ANKS1B: variants seen among roughly 807,000 people sequenced by gnomAD.
The protein encoded by ANKS1B is ankyrin repeat and sterile alpha motif domain containing 1B.
ANKS1B carries 36 observed loss-of-function variants against 148.3 expected under a neutral mutation model. The ratio of observed to expected loss-of-function variants is 0.24; its 90% CI spans 0.19 to 0.32. The LOEUF (loss-of-function observed/expected upper bound fraction) is 0.32, where lower values mean the gene tolerates loss of function less well. Among genes scored for constraint, ANKS1B ranks in the 10% least tolerant of loss-of-function variants. The pLI is 1.00. For missense variants in ANKS1B, 1,157 were observed against 1,542.6 expected (o/e 0.75, Z 4.19); for synonymous variants, 542 against 560.8 (o/e 0.97, Z 0.47).
intron 19 of ANKS1B, among the ~76,000 whole-genome samples, chr12:98,816,644 C>T (rs530242433): frequency 3.3e-5 from 5 of 152,270 alleles, no homozygotes; most frequent in African/African-American, 1.2e-4. Flanking sequence ...AACCTATCTC[C>T]CTGTCACCCT....
chr12:99,576,013 T>C (rs2097515496), intron 9 of ANKS1B, among the ~76,000 whole-genome samples: 1 of 152,004 alleles, frequency 6.6e-6, no homozygotes, highest in Non-Finnish European at 1.5e-5. Flanking sequence ...CCATCTCACA[T>C]GCAATGACAC....
intron 1 of ANKS1B, among the ~76,000 whole-genome samples, chr12:99,844,671 A>G (rs1277935517): frequency 6.6e-6 from 1 of 152,176 alleles, no homozygotes; most frequent in Non-Finnish European, 1.5e-5. Context: ...AGGTAGCATG[A>G]TGCCTCCAGC....
chr12:98,851,925 G>A (rs937675554), intron 17 of ANKS1B, among the ~76,000 whole-genome samples: 6 of 146,748 alleles, frequency 4.1e-5, no homozygotes, highest in African/African-American at 1.5e-4. Context: ...CCAGGAGGCT[G>A]AAGCAGCAGA....
At chr12:99,156,328 C>T (rs781480042) in intron 14 of ANKS1B, among the ~76,000 whole-genome samples, 4 of 152,154 alleles carry the variant, frequency 2.6e-5, no homozygotes, top group African/African-American at 9.7e-5. Flanking sequence ...AGTGAAACAA[C>T]GACTTCTATA....
intron 14 of ANKS1B, among the ~76,000 whole-genome samples, chr12:99,206,181 T>C (rs190000927): frequency 1.8e-3 from 278 of 152,320 alleles, no homozygotes; most frequent in Non-Finnish European, 3.6e-3. Context: ...ACTTCCCTCT[T>C]AGGCTTTGAT....
chr12:98,830,448 TCCTCCTGGAG>T (rs1198264101), intron 18 of ANKS1B, among the ~76,000 whole-genome samples: 4 of 152,158 alleles, frequency 2.6e-5, no homozygotes, highest in Admixed American at 6.5e-5. Context: ...GCTAAGCTTG[TCCTCCTGGAG>T]CCAATTCTCT....
At chr12:99,570,907 C>T (rs1233026456) in intron 9 of ANKS1B, among the ~76,000 whole-genome samples, 2 of 152,032 alleles carry the variant, frequency 1.3e-5, no homozygotes, top group Admixed American at 6.5e-5. Context: ...ATAGAAAATT[C>T]ATATTCTCCA....
intron 9 of ANKS1B, among the ~76,000 whole-genome samples, chr12:99,588,947 T>TA (rs2097671663): frequency 6.6e-6 from 1 of 152,226 alleles, no homozygotes; most frequent in African/African-American, 2.4e-5. Flanking sequence ...TTAAATAACC[T>TA]ATCAGATAAA....
chr12:99,703,316 T>C (rs1009904508), intron 8 of ANKS1B, among the ~76,000 whole-genome samples: 3 of 152,144 alleles, frequency 2.0e-5, no homozygotes, highest in African/African-American at 7.2e-5. Flanking sequence ...CTGATACTAC[T>C]GTTGATTATT....
At chr12:99,462,886 C>T (rs538645714) in intron 10 of ANKS1B, among the ~76,000 whole-genome samples, 2 of 152,296 alleles carry the variant, frequency 1.3e-5, no homozygotes, top group Admixed American at 6.5e-5. Context: ...ACTCTCTCAT[C>T]ATGTGATATG....
chr12:99,648,200 A>G (rs751188669), intron 9 of ANKS1B: 15 of 1,614,128 alleles, frequency 9.3e-6, no homozygotes, highest in African/African-American at 1.3e-5. Flanking sequence ...ATGCTACCGT[A>G]TTACACGGCC....
At chr12:99,706,037 C>T (rs543012448) in intron 8 of ANKS1B, among the ~76,000 whole-genome samples, 1 of 152,010 alleles carries the variant, frequency 6.6e-6, no homozygotes, top group South Asian at 2.1e-4. Flanking sequence ...TGTCTGTCGA[C>T]AAACATAACA....
chr12:99,723,521 T>A (rs911179256), intron 8 of ANKS1B, among the ~76,000 whole-genome samples: 1 of 152,060 alleles, frequency 6.6e-6, no homozygotes, highest in African/African-American at 2.4e-5. Flanking sequence ...GGGGTAGGGG[T>A]GACCACAGTC....
intron 8 of ANKS1B, among the ~76,000 whole-genome samples, chr12:99,735,734 G>A (rs1170255482): frequency 6.7e-6 from 1 of 149,956 alleles, no homozygotes; most frequent in Non-Finnish European, 1.5e-5. Flanking sequence ...AAAATAAAGA[G>A]GAGGGAGTTC....
intron 17 of ANKS1B, among the ~76,000 whole-genome samples, chr12:99,036,068 C>G (rs183815129): frequency 2.6e-5 from 4 of 152,288 alleles, no homozygotes; most frequent in African/African-American, 9.6e-5. Flanking sequence ...GCCTGCACCT[C>G]TCTGCATTCC....
chr12:99,687,207 T>C (rs2153494789), intron 8 of ANKS1B, among the ~76,000 whole-genome samples: 1 of 152,330 alleles, frequency 6.6e-6, no homozygotes, highest in East Asian at 1.9e-4. Context: ...TTTATTCTTT[T>C]ATACATAGTA....
intron 11 of ANKS1B, among the ~76,000 whole-genome samples, chr12:99,433,680 C>A (rs2095414951): frequency 6.6e-6 from 1 of 152,092 alleles, no homozygotes; most frequent in Admixed American, 6.6e-5. Context: ...GGGTAGCCTG[C>A]TGGACATGAG....
chr12:99,701,776 G>C lies in ANKS1B; in HGVS notation c.1129-46566C>G, dbSNP rs543791068. 2.6e-5 allele frequency among the ~76,000 whole-genome samples: 4 copies of C among 152,158 alleles called. No individual in the cohort carries two copies. The South Asian group carries it at 8.3e-4, about 32-fold the overall frequency. Reference sequence around the variant, plus strand: ...GTTTTGATTTTTAGATCCCACAAATGAGTGAGAACATGCAAAGTTTGTCTT... The same window carrying C: ...GTTTTGATTTTTAGATCCCACAAATCAGTGAGAACATGCAAAGTTTGTCTT... On this transcript the variant is annotated intron_variant, in intron 8 of 26. Coordinates refer to ENST00000683438, the MANE Select transcript of ANKS1B (RefSeq NM_001352186.2).
At chr12:99,309,159 C>T (rs927497589) in intron 12 of ANKS1B, among the ~76,000 whole-genome samples, 4 of 151,606 alleles carry the variant, frequency 2.6e-5, no homozygotes, top group African/African-American at 9.7e-5. Context: ...AACCATTATG[C>T]CTTGTATTTC....
Sources: allele counts gnomAD v4.1 joint callset (sites outside exome capture counted in the v4.1 genomes callset), GRCh38; gene constraint gnomAD v4.1.1; transcripts MANE v1.5; gene names NCBI Gene and HGNC (gene_info 2026-07-23, HGNC 2026-07-21).